The following SH3GL2 variants were observed in gnomAD, a reference collection of about 807,000 sequenced individuals.
SH3GL2 encodes endophilin-A1.
SH3GL2 carries 24 observed loss-of-function variants against 46.0 expected under a neutral mutation model. The ratio of observed to expected loss-of-function variants is 0.52; its 90% CI spans 0.38 to 0.73. SH3GL2 has a LOEUF of 0.73. SH3GL2 is among the 30% of genes least tolerant of loss of function. SH3GL2 has a pLI of 0.00. For synonymous variants in SH3GL2, 196 were observed against 147.1 expected (o/e 1.33, Z -2.40); for missense variants, 413 against 424.2 (o/e 0.97, Z 0.23).
chr9:17,587,480 C>T (rs1033191353), intron 1 of SH3GL2, among the ~76,000 whole-genome samples: 2 of 152,204 alleles, frequency 1.3e-5, no homozygotes, highest in African/African-American at 4.8e-5. Flanking sequence ...AACGGCATAA[C>T]TTTTCAGTCA....
At chr9:17,704,867 A>G (rs770917448) in intron 1 of SH3GL2, among the ~76,000 whole-genome samples, 34 of 152,270 alleles carry the variant, frequency 2.2e-4, no homozygotes, top group Non-Finnish European at 3.8e-4. Context: ...CTGTGGACAT[A>G]GGACTTGGCA....
At chr9:17,759,361 C>G (rs998111830) in intron 2 of SH3GL2, among the ~76,000 whole-genome samples, 1 of 152,228 alleles carries the variant, frequency 6.6e-6, no homozygotes, top group Non-Finnish European at 1.5e-5. Context: ...GTTTCACCGG[C>G]TACTGCCAGG....
At chr9:17,751,479 C>CGT (rs58212352) in intron 2 of SH3GL2, among the ~76,000 whole-genome samples, 5,219 of 146,378 alleles carry the variant, frequency 0.036, 155 homozygotes, top group African/African-American at 0.078. Context: ...TTTGTGTGTG[C>CGT]GTGTGTGTGT....
At chr9:17,622,199 C>G (rs1014664703) in intron 1 of SH3GL2, among the ~76,000 whole-genome samples, 1 of 152,088 alleles carries the variant, frequency 6.6e-6, no homozygotes, top group Non-Finnish European at 1.5e-5. Flanking sequence ...TATTTATTAG[C>G]CTGGTTACTT....
intron 1 of SH3GL2, among the ~76,000 whole-genome samples, chr9:17,728,928 A>G (rs1010425037): frequency 2.6e-5 from 4 of 152,160 alleles, no homozygotes; most frequent in African/African-American, 4.8e-5. Context: ...TACTGTGGCA[A>G]TAAATATACA....
intron 1 of SH3GL2, among the ~76,000 whole-genome samples, chr9:17,632,379 C>A (rs1819448529): frequency 6.6e-6 from 1 of 152,138 alleles, no homozygotes; most frequent in Admixed American, 6.5e-5. Flanking sequence ...ATTGGAACTA[C>A]AGTAATTATT....
chr9:17,617,144 C>G (rs1482518265), intron 1 of SH3GL2, among the ~76,000 whole-genome samples: 1 of 152,104 alleles, frequency 6.6e-6, no homozygotes. Context: ...AAGAGCTTCC[C>G]CATTGTTTCA....
chr9:17,583,320 G>A (rs1818313082), intron 1 of SH3GL2, among the ~76,000 whole-genome samples: 1 of 152,156 alleles, frequency 6.6e-6, no homozygotes, highest in Non-Finnish European at 1.5e-5. Flanking sequence ...CAATGTGACA[G>A]TATTAAGAAA....
intron 1 of SH3GL2, among the ~76,000 whole-genome samples, chr9:17,593,111 C>G (rs1003502787): frequency 6.6e-6 from 1 of 152,210 alleles, no homozygotes; most frequent in African/African-American, 2.4e-5. Flanking sequence ...ACCTATGTGT[C>G]TCTTCCATCT....
At chr9:17,660,222 A>G (rs990330472) in intron 1 of SH3GL2, among the ~76,000 whole-genome samples, 1 of 144,002 alleles carries the variant, frequency 6.9e-6, no homozygotes, top group Non-Finnish European at 1.5e-5. Context: ...AGTTTCTAAC[A>G]CTTAAGCATC....
At chr9:17,651,811 C>G (rs1054076678) in intron 1 of SH3GL2, among the ~76,000 whole-genome samples, 7 of 151,946 alleles carry the variant, frequency 4.6e-5, no homozygotes, top group Admixed American at 3.3e-4. Context: ...GTTTTAAATT[C>G]TTATTTTGTC....
chr9:17,593,892 G>C (rs1380821175), intron 1 of SH3GL2, among the ~76,000 whole-genome samples: 2 of 152,122 alleles, frequency 1.3e-5, no homozygotes, highest in African/African-American at 4.8e-5. Context: ...CTGAGCACTT[G>C]TGAGACCCCA....
intron 1 of SH3GL2, among the ~76,000 whole-genome samples, chr9:17,597,919 A>G (rs1818604097): frequency 1.3e-5 from 2 of 152,268 alleles, no homozygotes; most frequent in South Asian, 4.2e-4. Flanking sequence ...ATTAACCGCC[A>G]GGCTCTGTGC....
rs1554645782 is a variant in SH3GL2 at position 17,743,600 on chromosome 9, A to ACACACACACACCCC, written c.46-3465_46-3464insACACACACACCCCC. 1.2e-4 allele frequency among the ~76,000 whole-genome samples: 17 copies of ACACACACACACCCC among 146,280 alleles called. 1 individual carries two copies. The highest frequency in any genetic ancestry group is 4.3e-4 in the African/African-American group (17 of 39,964). The stretch of plus-strand genomic sequence containing the variant: ...CACACACACACACACACACACACAC[A>ACACACACACACCCC]CCCCAAATAGTTAAAGCCAATGGAT... On this transcript the variant is annotated intron_variant, in intron 1 of 8. Transcript: ENST00000380607.
intron 1 of SH3GL2, among the ~76,000 whole-genome samples, chr9:17,612,893 TGTCTTTTGGATTTGTCTATTCTG>T (rs1818900871): frequency 6.6e-6 from 1 of 152,228 alleles, no homozygotes; most frequent in Non-Finnish European, 1.5e-5. Flanking sequence ...CTTCTGCCTC[TGTCTTTTGGATTTGTCTATTCTG>T]GTCATTTCTT....
chr9:17,696,452 A>G (rs1235775247), intron 1 of SH3GL2, among the ~76,000 whole-genome samples: 1 of 152,162 alleles, frequency 6.6e-6, no homozygotes, highest in Non-Finnish European at 1.5e-5. Flanking sequence ...AATACCTGAG[A>G]TGGAGTAATT....
At chr9:17,696,189 T>C (rs1233891238) in intron 1 of SH3GL2, among the ~76,000 whole-genome samples, 12 of 152,272 alleles carry the variant, frequency 7.9e-5, no homozygotes, top group Admixed American at 3.3e-4. Context: ...GGACTTTTTT[T>C]TTCCTTTTTT....
chr9:17,709,587 A>G (rs1474259200), intron 1 of SH3GL2, among the ~76,000 whole-genome samples: 1 of 151,886 alleles, frequency 6.6e-6, no homozygotes, highest in Non-Finnish European at 1.5e-5. Flanking sequence ...TAGCATGTGA[A>G]TAATTACATG....
intron 3 of SH3GL2, 51 bp from the exon 4 acceptor site, chr9:17,786,330 C>T: frequency 4.5e-6 from 7 of 1,557,116 alleles, no homozygotes; most frequent in Non-Finnish European, 5.2e-6. Context: ...AGCCCTATTT[C>T]CGCAGTGTCA....
Sources: allele counts gnomAD v4.1 joint callset (sites outside exome capture counted in the v4.1 genomes callset), GRCh38; gene constraint gnomAD v4.1.1; transcripts MANE v1.5; gene names NCBI Gene and HGNC (gene_info 2026-07-23, HGNC 2026-07-21).